The following FAM167A variants were observed in gnomAD, a reference collection of about 807,000 sequenced individuals.
FAM167A encodes the protein protein FAM167A.
In FAM167A, 23 loss-of-function variants were observed where a neutral mutation model predicts 14.9. That is an observed-to-expected ratio of 1.55 (90% confidence interval 1.11 to 2.19). The LOEUF (loss-of-function observed/expected upper bound fraction) is 2.19. FAM167A is among the 30% of genes most tolerant of loss of function. The pLI, the probability that FAM167A is intolerant of heterozygous loss-of-function variation, is 0.00. For synonymous variants in FAM167A, 174 were observed against 117.7 expected (o/e 1.48, Z -3.10); for missense variants, 401 against 281.5 (o/e 1.42, Z -3.04).
chr8:11,448,290 G>C (rs1056406553), intron 1 of FAM167A, among the ~76,000 whole-genome samples: 1 of 152,040 alleles, frequency 6.6e-6, no homozygotes, highest in Admixed American at 6.5e-5. Flanking sequence ...ACAGCCATGA[G>C]GCTAGTTCTG....
intron 1 of FAM167A, among the ~76,000 whole-genome samples, chr8:11,460,848 A>G (rs1413340626): frequency 6.6e-6 from 1 of 151,816 alleles, no homozygotes; most frequent in Admixed American, 6.6e-5. Flanking sequence ...AAACAGGGAA[A>G]CCTTGCTTGT....
chr8:11,451,070 T>C (rs989455393), intron 1 of FAM167A, among the ~76,000 whole-genome samples: 42 of 152,334 alleles, frequency 2.8e-4, no homozygotes, highest in African/African-American at 1.0e-3. Flanking sequence ...TTCTGGAAAG[T>C]GCATCCCCCT....
chr8:11,461,739 A>T (rs1807548146), intron 1 of FAM167A, among the ~76,000 whole-genome samples: 1 of 152,238 alleles, frequency 6.6e-6, no homozygotes, highest in South Asian at 2.1e-4. Context: ...CTCCAAGTTG[A>T]AAATAGGCAG....
intron 2 of FAM167A, chr8:11,434,805 G>C: frequency 2.9e-6 from 1 of 343,662 alleles, no homozygotes. Flanking sequence ...AGAGGATGCT[G>C]ATCACCTTCC....
chr8:11,432,557 G>A (rs1405525024), intron 2 of FAM167A, among the ~76,000 whole-genome samples: 2 of 152,180 alleles, frequency 1.3e-5, no homozygotes, highest in African/African-American at 4.8e-5. Context: ...TCATTAAAAA[G>A]TCAGGAAATA....
At chr8:11,458,701 G>C (rs1256511274) in intron 1 of FAM167A, among the ~76,000 whole-genome samples, 4 of 152,156 alleles carry the variant, frequency 2.6e-5, no homozygotes, top group Non-Finnish European at 4.4e-5. Context: ...TCAGCTGGGA[G>C]GATATAAGCT....
chr8:11,443,938 G>C (rs1806601289), intron 2 of FAM167A, 93 bp downstream of exon 2: 3 of 1,418,090 alleles, frequency 2.1e-6, no homozygotes, highest in East Asian at 4.6e-5. Flanking sequence ...ATACATGGTG[G>C]GGGTGGGGAG....
chr8:11,461,949 G>C (rs1807556894), intron 1 of FAM167A, among the ~76,000 whole-genome samples: 1 of 152,200 alleles, frequency 6.6e-6, no homozygotes, highest in East Asian at 1.9e-4. Flanking sequence ...GGGTCCTTAG[G>C]GTTTCCTGGT....
rs1804730925 is a variant in FAM167A at position 11,421,603 on chromosome 8, T to C, written c.*2770A>G. The C allele has an allele frequency of 2.5e-6, 1 of 398,242 alleles. No homozygotes were observed. Among genetic ancestry groups the C allele is most frequent in the Admixed American group, 4.4e-5 (1 of 22,736 alleles). The allele number at this position is 398,242 out of a possible 1,614,324, so 24.7% of individuals were successfully genotyped here. A position where few individuals can be genotyped will look rare whatever the true frequency, so the allele number is the denominator to read the frequency against. The stretch of plus-strand genomic sequence containing the variant: ...CCATTGATTATGTAATAGCACTTGG[T>C]ATTGCTACAGGGTGTGGGTCTTGAA... On this transcript the variant is annotated 3_prime_UTR_variant, in exon 3 of 3. Transcript: ENST00000284486.
chr8:11,472,172 T>C (rs1178639043), upstream of FAM167A, among the ~76,000 whole-genome samples: 1 of 152,234 alleles, frequency 6.6e-6, no homozygotes, highest in Non-Finnish European at 1.5e-5. Flanking sequence ...GATTTGAGCC[T>C]TTCTTGCTGG....
chr8:11,455,164 G>T (rs1807185130), intron 1 of FAM167A, among the ~76,000 whole-genome samples: 1 of 128,154 alleles, frequency 7.8e-6, no homozygotes, highest in African/African-American at 3.0e-5. Flanking sequence ...GACTGTGGTG[G>T]GGTTGTTGCC....
intron 2 of FAM167A, among the ~76,000 whole-genome samples, chr8:11,425,045 T>TG (rs370449107): frequency 6.6e-6 from 1 of 152,162 alleles, no homozygotes; most frequent in African/African-American, 2.4e-5. Context: ...GAAAGGTATA[T>TG]GGGGGCTTTG....
chr8:11,466,029 G>A (rs891259800), intron 1 of FAM167A, among the ~76,000 whole-genome samples: 4 of 152,074 alleles, frequency 2.6e-5, no homozygotes, highest in Admixed American at 1.3e-4. Context: ...CCCCCCCGCC[G>A]TCTGTGCTCC....
chr8:11,443,837 T>G, intron 2 of FAM167A, 194 bp downstream of exon 2: 1 of 663,650 alleles, frequency 1.5e-6, no homozygotes, highest in Non-Finnish European at 2.5e-6. Context: ...TGATGACACC[T>G]GGGTCCCCCC....
At position 11,427,178 on chromosome 8, in the gene FAM167A, A is replaced by G. The variant is rs552045515; in HGVS notation, c.382-2542T>C. The stretch of plus-strand genomic sequence containing the variant: ...TTGGCTTAGTGATTGTGGAGTCCTG[A>G]GATGTATTTTCTGCTCATGTTTAAC... On this transcript the variant is annotated intron_variant, in intron 2 of 2. Transcript: ENST00000284486. 1.9e-4 allele frequency among the ~76,000 whole-genome samples: 29 copies of G among 152,188 alleles called. No individual in the cohort carries two copies. In the South Asian group the frequency reaches 4.3e-3, roughly 23 times the overall value.
At chr8:11,457,298 G>C (rs1035153385) in intron 1 of FAM167A, among the ~76,000 whole-genome samples, 10 of 151,962 alleles carry the variant, frequency 6.6e-5, no homozygotes, top group Non-Finnish European at 1.2e-4. Flanking sequence ...GTTTGCTGCC[G>C]GGGTTTCCCC....
upstream of FAM167A, among the ~76,000 whole-genome samples, chr8:11,468,072 C>G (rs1320490917): frequency 6.6e-6 from 1 of 152,180 alleles, no homozygotes; most frequent in Non-Finnish European, 1.5e-5. Context: ...GACCTGCCAC[C>G]CGGGTCCAAG....
intron 1 of FAM167A, among the ~76,000 whole-genome samples, chr8:11,459,734 G>C (rs1807464110): frequency 6.6e-6 from 1 of 152,048 alleles, no homozygotes; most frequent in Non-Finnish European, 1.5e-5. Context: ...CTTTTTTTGA[G>C]ACAGAGTTTT....
chr8:11,455,474 T>C (rs1372792329), intron 1 of FAM167A, among the ~76,000 whole-genome samples: 7 of 132,944 alleles, frequency 5.3e-5, no homozygotes, highest in African/African-American at 2.0e-4. Flanking sequence ...TGTGTGAGTG[T>C]GGGGAGTGGT....
Sources: allele counts gnomAD v4.1 joint callset (sites outside exome capture counted in the v4.1 genomes callset), GRCh38; gene constraint gnomAD v4.1.1; transcripts MANE v1.5; gene names NCBI Gene and HGNC (gene_info 2026-07-23, HGNC 2026-07-21).